OTUD7A: variants seen among roughly 807,000 people sequenced by gnomAD.
OTUD7A encodes the protein OTU deubiquitinase 7A.
A neutral mutation model predicts 65.7 loss-of-function variants in OTUD7A; 12 were observed. That is an observed-to-expected ratio of 0.18 (90% confidence interval 0.12 to 0.30). The LOEUF is 0.30. OTUD7A is among the 10% of genes least tolerant of loss of function. OTUD7A has a pLI of 1.00. For missense variants in OTUD7A, 1,148 were observed against 1,304.8 expected, an observed-to-expected ratio of 0.88 and a Z score of 1.85; for synonymous variants, 641 against 586.3, an observed-to-expected ratio of 1.09 and a Z score of -1.35.
intron 6 of OTUD7A, among the ~76,000 whole-genome samples, chr15:31,528,068 T>C (rs2042038071): frequency 6.6e-6 from 1 of 152,216 alleles, no homozygotes; most frequent in Non-Finnish European, 1.5e-5. Flanking sequence ...CACTCACTCA[T>C]TCTAGGTGCT....
At chr15:31,866,021 G>A (rs529387964) in intron 1 of OTUD7A, among the ~76,000 whole-genome samples, 5 of 152,274 alleles carry the variant, frequency 3.3e-5, no homozygotes, top group East Asian at 1.9e-4. Context: ...AAGGAGAAAC[G>A]CAAAATACTT....
chr15:31,674,230 G>A (rs60994577), intron 1 of OTUD7A, among the ~76,000 whole-genome samples: 8,654 of 152,148 alleles, frequency 0.057, 822 homozygotes, highest in African/African-American at 0.2. Flanking sequence ...GGTGTTGGCC[G>A]GGCACAGATA....
At chr15:31,833,476 C>T (rs937429107) in intron 1 of OTUD7A, among the ~76,000 whole-genome samples, 2 of 152,160 alleles carry the variant, frequency 1.3e-5, no homozygotes, top group African/African-American at 4.8e-5. Flanking sequence ...TGTATCCAGG[C>T]TTGAGGGCTG....
chr15:31,738,205 G>C, intron 1 of OTUD7A, among the ~76,000 whole-genome samples: 1 of 152,114 alleles, frequency 6.6e-6, no homozygotes, highest in East Asian at 1.9e-4. Context: ...TTGGGCATGG[G>C]GGGATGGGGA....
intron 5 of OTUD7A, among the ~76,000 whole-genome samples, chr15:31,548,495 G>A (rs538978362): frequency 1.5e-4 from 23 of 152,234 alleles, no homozygotes; most frequent in Middle Eastern, 3.4e-3. Flanking sequence ...AGGAGGTCTC[G>A]TGGCATGGGC....
At chr15:31,533,355 A>G (rs12910771) in intron 5 of OTUD7A, among the ~76,000 whole-genome samples, 62,712 of 151,280 alleles carry the variant, frequency 0.41, 13,356 homozygotes, top group East Asian at 0.68. Context: ...TCCTGCCTCA[A>G]CCTCCTAAGT....
chr15:31,767,396 A>G, intron 1 of OTUD7A: 1 of 775,500 alleles, frequency 1.3e-6, no homozygotes, highest in South Asian at 1.3e-5. Flanking sequence ...TTCTGAATAC[A>G]TGTCATTCAA....
At chr15:31,693,153 A>G (rs1438964227) in intron 1 of OTUD7A, among the ~76,000 whole-genome samples, 1 of 152,224 alleles carries the variant, frequency 6.6e-6, no homozygotes, top group African/African-American at 2.4e-5. Flanking sequence ...TCCCTAATGG[A>G]ATAAAAACTT....
At chr15:31,860,872 A>ATTTTT (rs5811669) in intron 1 of OTUD7A, among the ~76,000 whole-genome samples, 1 of 87,042 alleles carries the variant, frequency 1.1e-5, no homozygotes, top group Non-Finnish European at 2.3e-5. Flanking sequence ...TGCCCAGCTA[A>ATTTTT]TTTTTTTTTT....
chr15:31,487,646 A>T lies in OTUD7A; in HGVS notation c.1172-80T>A. 8.6e-7 allele frequency: 1 copy of T among 1,163,050 alleles called. No individual in the cohort carries two copies. The allele number at this position is 1,163,050 out of a possible 1,614,324, so 72.0% of individuals were successfully genotyped here. On this transcript the variant is annotated intron_variant, in intron 10 of 12. Transcript: ENST00000307050. The surrounding 1 kb of genome is among the most constrained non-coding windows in gnomAD (Gnocchi z 6.0). ...TGGCAAGGAAATTCCCAAGCCAGGT[A>T]TCTGGGTGACAAATGCACCGAGTGG...
chr15:31,483,579 C>A lies in OTUD7A; in HGVS notation c.2517G>T (p.Gly839=). The change falls in exon 13 of 13, where the codon GGG becomes GGT. Residue 839 remains glycine (G), a synonymous_variant. Transcript: ENST00000307050. ...TVESLARAVP[G]ALPGAAGTAG... is the part of the protein sequence containing the mutation. ...CCGTCCCCGCCGCGCCCGGTAGGGC[C>A]CCGGGCACCGCGCGCGCCAGCGACT... 4 of 1,248,532 alleles carry A rather than the reference C, an allele frequency of 3.2e-6. No homozygotes were observed. The highest frequency in any genetic ancestry group is 4.0e-6 in the Non-Finnish European group (4 of 998,760). The allele number at this position is 1,248,532 out of a possible 1,614,324, so 77.3% of individuals were successfully genotyped here. A position where few individuals can be genotyped will look rare whatever the true frequency, so the allele number is the denominator to read the frequency against.
chr15:31,629,626 T>C (rs1891078188), intron 3 of OTUD7A, among the ~76,000 whole-genome samples: 1 of 152,162 alleles, frequency 6.6e-6, no homozygotes, highest in African/African-American at 2.4e-5. Context: ...TTAGGGAGGA[T>C]TCCCTCTTTT....
chr15:31,722,988 G>A (rs1385437765), intron 1 of OTUD7A, among the ~76,000 whole-genome samples: 1 of 152,230 alleles, frequency 6.6e-6, no homozygotes, highest in Non-Finnish European at 1.5e-5. Flanking sequence ...TTGCTGGCTG[G>A]AGTGCCTCAG....
intron 1 of OTUD7A, among the ~76,000 whole-genome samples, chr15:31,832,376 G>C (rs1595800269): frequency 6.6e-6 from 1 of 152,044 alleles, no homozygotes; most frequent in Non-Finnish European, 1.5e-5. Flanking sequence ...ACATTTACAC[G>C]GGCACAGGAA....
intron 1 of OTUD7A, among the ~76,000 whole-genome samples, chr15:31,693,740 C>T (rs1044976682): frequency 8.5e-5 from 13 of 152,224 alleles, no homozygotes; most frequent in African/African-American, 3.1e-4. Context: ...TCCTCCTCTC[C>T]ATCCAGCCCC....
At position 31,483,300 on chromosome 15, in the gene OTUD7A, C is replaced by T; in HGVS notation, c.2796G>A (p.Arg932=). ...LRRRREARGA[R]P is the part of the protein sequence containing the mutation. The stretch of plus-strand genomic sequence containing the variant: ...CCGCGCCGCGCCGCGCCGCTCAGGG[C>T]CGGGCCCCGCGCGCCTCGCGCCGCC... Residue 932 remains arginine, a synonymous_variant, in exon 13 of 13, where the codon CGG becomes CGA. Transcript: ENST00000307050. 2 of 1,172,858 alleles carry T rather than the reference C, an allele frequency of 1.7e-6. No individual in the cohort carries two copies. Among genetic ancestry groups the T allele is most frequent in the Non-Finnish European group, 2.1e-6 (2 of 949,152 alleles). The allele number at this position is 1,172,858 out of a possible 1,614,324, so 72.7% of individuals were successfully genotyped here. A position where few individuals can be genotyped will look rare whatever the true frequency, so the allele number is the denominator to read the frequency against.
At chr15:31,505,618 G>A (rs949982836) in intron 8 of OTUD7A, among the ~76,000 whole-genome samples, 69 of 152,196 alleles carry the variant, frequency 4.5e-4, no homozygotes, top group African/African-American at 1.4e-3. Flanking sequence ...CGAATAGGGT[G>A]GAGGAGAGTT....
At chr15:31,844,427 G>A (rs1897254173) in intron 1 of OTUD7A, among the ~76,000 whole-genome samples, 1 of 152,242 alleles carries the variant, frequency 6.6e-6, no homozygotes. Flanking sequence ...AACCCAGGAG[G>A]CGGAGGTTGC....
chr15:31,832,092 C>T (rs1384784795), intron 1 of OTUD7A, among the ~76,000 whole-genome samples: 2 of 152,100 alleles, frequency 1.3e-5, no homozygotes, highest in Non-Finnish European at 2.9e-5. Context: ...TTCATTTTAC[C>T]TCAAAAGAAA....
Sources: gnomAD v4.1 joint callset for allele counts (sites outside exome capture counted in the v4.1 genomes callset) on GRCh38, gnomAD v4.1.1 for gene constraint, Gnocchi (gnomAD v3.1) non-coding constraint, MANE v1.5 for transcripts, NCBI Gene and HGNC (gene_info 2026-07-23, HGNC 2026-07-21) for gene names.